The following IGSF21 variants were observed in gnomAD, a reference collection of about 807,000 sequenced individuals.
The protein encoded by IGSF21 is immunoglobulin superfamily member 21.
IGSF21 carries 28 observed loss-of-function variants against 46.8 expected under a neutral mutation model. That is an observed-to-expected ratio of 0.60 (90% confidence interval 0.44 to 0.82). The LOEUF (loss-of-function observed/expected upper bound fraction) is 0.82. Among genes scored for constraint, IGSF21 ranks in the 40% least tolerant of loss-of-function variants. The pLI is 0.00. For synonymous variants in IGSF21, 284 were observed against 273.6 expected (o/e 1.04, Z -0.38); for missense variants, 624 against 665.5 (o/e 0.94, Z 0.69).
intron 1 of IGSF21, among the ~76,000 whole-genome samples, chr1:18,182,995 G>T (rs556614037): frequency 6.6e-6 from 1 of 152,134 alleles, no homozygotes; most frequent in African/African-American, 2.4e-5. Context: ...TCCTTCACCC[G>T]CTGCAAACTG....
Position 18,365,436 on chromosome 1 carries a change from C to G in IGSF21, c.754C>G (p.Pro252Ala). ...GGAGCGCCCCTCCCGTGGCCTGACC[C>G]CAGATCCCAACATCCTCCTCCAGCC... The part of the protein sequence containing the change: ...YTERPSRGLT[P>A]DPNILLQPTT... Residue 252 changes from proline (P) to alanine (A), a missense_variant, in exon 6 of 10, where the codon CCA becomes GCA. Physicochemically the swap from Pro to Ala is conservative, Grantham distance 27. Transcript: ENST00000251296. This position sits in a 1 kb window ranked among gnomAD's most constrained non-coding sequence, Gnocchi z 4.8. The G allele has an allele frequency of 6.2e-7, 1 of 1,614,082 alleles. No individual in the cohort carries two copies. Among genetic ancestry groups the G allele is most frequent in the Non-Finnish European group, 8.5e-7 (1 of 1,180,018 alleles).
At chr1:18,155,575 C>G (rs79801589) in intron 1 of IGSF21, among the ~76,000 whole-genome samples, 4,405 of 152,374 alleles carry the variant, frequency 0.029, 234 homozygotes, top group African/African-American at 0.1. Context: ...GAAGAATGCA[C>G]AGCATGCAGG....
chr1:18,263,317 G>A (rs1036652789), intron 2 of IGSF21, among the ~76,000 whole-genome samples: 4 of 152,104 alleles, frequency 2.6e-5, no homozygotes, highest in Non-Finnish European at 5.9e-5. Flanking sequence ...ATCACTGCTT[G>A]TGAAACAACA....
intron 1 of IGSF21, among the ~76,000 whole-genome samples, chr1:18,201,852 C>T (rs2087078620): frequency 6.6e-6 from 1 of 152,232 alleles, no homozygotes; most frequent in African/African-American, 2.4e-5. Flanking sequence ...CCAAGCATCC[C>T]TTCCTGTGCC....
chr1:18,278,260 G>A (rs1217583948), intron 2 of IGSF21, among the ~76,000 whole-genome samples: 1 of 151,090 alleles, frequency 6.6e-6, no homozygotes, highest in African/African-American at 2.4e-5. Flanking sequence ...TTTATTTTGA[G>A]ACAGAGTCTC....
At chr1:18,130,908 C>T (rs151078980) in intron 1 of IGSF21, among the ~76,000 whole-genome samples, 1 of 152,200 alleles carries the variant, frequency 6.6e-6, no homozygotes, top group African/African-American at 2.4e-5. Flanking sequence ...GCTGAGCCAG[C>T]CCTGGAGAAT....
At chr1:18,320,623 G>C (rs1027571977) in intron 3 of IGSF21, among the ~76,000 whole-genome samples, 5 of 152,198 alleles carry the variant, frequency 3.3e-5, no homozygotes, top group Non-Finnish European at 5.9e-5. Context: ...CCCAACTGGA[G>C]TCATCGGTCC....
intron 2 of IGSF21, among the ~76,000 whole-genome samples, chr1:18,265,021 C>T (rs2084977491): frequency 6.6e-6 from 1 of 152,198 alleles, no homozygotes; most frequent in Non-Finnish European, 1.5e-5. Context: ...CCTGCAACCC[C>T]TTCCCTGCAA....
At chr1:18,199,112 TTTAA>T (rs1047303502) in intron 1 of IGSF21, among the ~76,000 whole-genome samples, 1 of 152,074 alleles carries the variant, frequency 6.6e-6, no homozygotes, top group Non-Finnish European at 1.5e-5. Flanking sequence ...AAAGCAAACT[TTTAA>T]AAAATACTCA....
intron 2 of IGSF21, among the ~76,000 whole-genome samples, chr1:18,237,497 G>A (rs4920311): frequency 1.3e-5 from 2 of 152,068 alleles, no homozygotes; most frequent in African/African-American, 4.8e-5. Flanking sequence ...CCCCACAGAC[G>A]AGCTGCTTCT....
chr1:18,182,422 G>A (rs1891462), intron 1 of IGSF21, among the ~76,000 whole-genome samples: 85,364 of 151,804 alleles, frequency 0.56, 24,754 homozygotes, highest in East Asian at 0.83. Flanking sequence ...CAGGTGATCC[G>A]CTCACCTCGG....
intron 1 of IGSF21, among the ~76,000 whole-genome samples, chr1:18,172,929 T>C (rs1295222481): frequency 6.6e-6 from 1 of 152,158 alleles, no homozygotes; most frequent in African/African-American, 2.4e-5. Context: ...TGTGACTCAA[T>C]CCATAAGTCA....
intron 3 of IGSF21, among the ~76,000 whole-genome samples, chr1:18,312,029 C>T (rs1240016397): frequency 1.3e-5 from 2 of 152,168 alleles, no homozygotes; most frequent in East Asian, 3.9e-4. Context: ...TCCAAAATGC[C>T]ACCCCATCAC....
At chr1:18,207,035 T>G (rs534753264) in intron 1 of IGSF21, among the ~76,000 whole-genome samples, 1 of 152,324 alleles carries the variant, frequency 6.6e-6, no homozygotes, top group East Asian at 1.9e-4. Context: ...GGCTCTTATC[T>G]GGAGTCTTAG....
intron 4 of IGSF21, among the ~76,000 whole-genome samples, chr1:18,351,441 C>T (rs767113066): frequency 1.3e-5 from 2 of 152,198 alleles, no homozygotes; most frequent in Non-Finnish European, 1.5e-5. Context: ...CTGTTCTAAG[C>T]CTCAGAAAGC....
chr1:18,125,235 A>G (rs2086265980), intron 1 of IGSF21, among the ~76,000 whole-genome samples: 3 of 152,096 alleles, frequency 2.0e-5, no homozygotes, highest in South Asian at 4.1e-4. Context: ...TCTTTGGACT[A>G]TATCTTCTTC....
At chr1:18,369,771 G>T (rs984677727) in intron 6 of IGSF21, among the ~76,000 whole-genome samples, 20 of 152,210 alleles carry the variant, frequency 1.3e-4, no homozygotes, top group Admixed American at 8.5e-4. Flanking sequence ...TTGCAGGGAT[G>T]CCCTCCGCAG....
At chr1:18,297,933 G>A (rs1436884530) in intron 3 of IGSF21, among the ~76,000 whole-genome samples, 1 of 152,150 alleles carries the variant, frequency 6.6e-6, no homozygotes, top group Non-Finnish European at 1.5e-5. Flanking sequence ...TGGAGTGAGG[G>A]CATTGCACAG....
intron 2 of IGSF21, among the ~76,000 whole-genome samples, chr1:18,272,077 T>A (rs1024465903): frequency 1.3e-5 from 2 of 152,054 alleles, no homozygotes; most frequent in Non-Finnish European, 2.9e-5. Flanking sequence ...GGAAGCCTCA[T>A]AATCATGGCC....
Sources: allele counts gnomAD v4.1 joint callset (sites outside exome capture counted in the v4.1 genomes callset), GRCh38; gene constraint gnomAD v4.1.1; non-coding constraint Gnocchi (gnomAD v3.1); transcripts MANE v1.5; gene names NCBI Gene and HGNC (gene_info 2026-07-23, HGNC 2026-07-21).